The following KCNQ3 variants were observed in gnomAD, a reference collection of about 807,000 sequenced individuals.
The protein encoded by KCNQ3 is potassium voltage-gated channel subfamily Q member 3.
KCNQ3 carries 30 observed loss-of-function variants against 92.5 expected under a neutral mutation model. That is an observed-to-expected ratio of 0.32 (90% CI 0.24 to 0.44). The LOEUF (loss-of-function observed/expected upper bound fraction) is 0.44. Ranked by LOEUF, KCNQ3 falls within the 20% of genes least tolerant of loss-of-function variation. KCNQ3 has a pLI of 1.00. For synonymous variants in KCNQ3, 450 were observed against 468.8 expected, an observed-to-expected ratio of 0.96 and a Z score of 0.52; for missense variants, 913 against 1,140.3, an observed-to-expected ratio of 0.80 and a Z score of 2.87.
At chr8:132,285,518 C>A (rs73710510) in intron 1 of KCNQ3, among the ~76,000 whole-genome samples, 14,190 of 152,288 alleles carry the variant, frequency 0.093, 837 homozygotes, top group South Asian at 0.16. Context: ...TAGCAAAGTG[C>A]TCAGGCAGAT....
At chr8:132,353,265 T>C (rs1014124236) in intron 1 of KCNQ3, among the ~76,000 whole-genome samples, 7 of 151,812 alleles carry the variant, frequency 4.6e-5, no homozygotes, top group Non-Finnish European at 8.8e-5. Flanking sequence ...AGTAGGATTT[T>C]AACTGGCAGA....
At chr8:132,479,276 G>A (rs1760046152) in intron 1 of KCNQ3, among the ~76,000 whole-genome samples, 1 of 152,276 alleles carries the variant, frequency 6.6e-6, no homozygotes, top group South Asian at 2.1e-4. Flanking sequence ...GGACTAGCAA[G>A]GAGATTCTTT....
intron 1 of KCNQ3, among the ~76,000 whole-genome samples, chr8:132,392,662 A>G (rs1220186460): frequency 6.6e-6 from 1 of 151,904 alleles, no homozygotes; most frequent in Non-Finnish European, 1.5e-5. Context: ...TTAGCTGGGC[A>G]TGGTGGCACA....
In KCNQ3 at chr8:132,279,853, C is replaced by CGTGT. The variant is rs34093077; in HGVS notation, c.387-93676_387-93673dup. ...ATATGTGCGTGTATGTGTATATATG[C>CGTGT]GTGTGTGTGTGTGTGTGTATATATA... On this transcript the variant is annotated intron_variant, in intron 1 of 14. Coordinates refer to ENST00000388996, the MANE Select transcript of KCNQ3 (RefSeq NM_004519.4). Among the ~76,000 whole-genome samples the CGTGT allele has an allele frequency of 1.0e-3, 157 of 150,648 alleles. 1 individual carries two copies. Among genetic ancestry groups the CGTGT allele is most frequent in the South Asian group, 2.1e-3 (10 of 4,754 alleles).
intron 12 of KCNQ3, among the ~76,000 whole-genome samples, chr8:132,136,928 A>G (rs1825117965): frequency 2.2e-5 from 2 of 91,898 alleles, no homozygotes; most frequent in Admixed American, 2.1e-4. Flanking sequence ...CAGTGGTGCA[A>G]TCTTGGCTCA....
chr8:132,442,104 T>C (rs930968043), intron 1 of KCNQ3, among the ~76,000 whole-genome samples: 1 of 151,868 alleles, frequency 6.6e-6, no homozygotes, highest in Admixed American at 6.6e-5. Context: ...AGGGAGAGAA[T>C]CAGGAAAAAT....
intron 1 of KCNQ3, among the ~76,000 whole-genome samples, chr8:132,397,691 A>C (rs1820226567): frequency 6.6e-6 from 1 of 152,174 alleles, no homozygotes. Context: ...TCCACGGCTT[A>C]CAGACTATCT....
intron 1 of KCNQ3, among the ~76,000 whole-genome samples, chr8:132,462,317 G>A (rs773663231): frequency 5.3e-5 from 8 of 152,074 alleles, no homozygotes; most frequent in Non-Finnish European, 8.8e-5. Flanking sequence ...AGCCACTCGA[G>A]TAGCTGGGAT....
chr8:132,449,936 T>A (rs902343476), intron 1 of KCNQ3, among the ~76,000 whole-genome samples: 1 of 152,184 alleles, frequency 6.6e-6, no homozygotes, highest in South Asian at 2.1e-4. Flanking sequence ...CCCCCAACTC[T>A]AGCCCTCTTC....
chr8:132,292,059 T>C (rs1307050148), intron 1 of KCNQ3, among the ~76,000 whole-genome samples: 1 of 152,200 alleles, frequency 6.6e-6, no homozygotes, highest in Non-Finnish European at 1.5e-5. Context: ...AGAGTTGGAA[T>C]CTCTTTTTCA....
chr8:132,243,994 G>A lies in KCNQ3; in HGVS notation c.387-57813C>T, dbSNP rs193280983. Among the ~76,000 whole-genome samples the A allele has an allele frequency of 1.7e-3, 263 of 152,256 alleles. 1 individual carries two copies. The highest frequency in any genetic ancestry group is 6.2e-3 in the African/African-American group (258 of 41,554). On this transcript the variant is annotated intron_variant, in intron 1 of 14. Transcript: ENST00000388996. ...TGAGCCTTCAGATGCCAGGTGCTCA[G>A]GAAAGCTAGTGCTTAGCAGAGAAGG... is the stretch of plus-strand genomic sequence containing the variant.
intron 1 of KCNQ3, among the ~76,000 whole-genome samples, 155 bp downstream of exon 1, chr8:132,479,992 A>ACACACACACC (rs1191748667): frequency 4.1e-5 from 6 of 146,970 alleles, no homozygotes; most frequent in African/African-American, 1.0e-4. Flanking sequence ...ACACACACAC[A>ACACACACACC]CCCAGGGAAA....
rs1164770219 is a variant in KCNQ3 at position 132,201,175 on chromosome 8, C to T, written c.387-14994G>A. On this transcript the variant is annotated intron_variant, in intron 1 of 14. Coordinates refer to ENST00000388996, the MANE Select transcript of KCNQ3 (RefSeq NM_004519.4). ...CAGAGCCGCCCTGACCTCATCACCT[C>T]GTAAAGGTCCCACATTTCTCAACAC... is the stretch of plus-strand genomic sequence containing the variant. Among the ~76,000 whole-genome samples the T allele has an allele frequency of 4.6e-5, 7 of 152,156 alleles. No individual in the cohort carries two copies. The South Asian group carries it at 1.5e-3, about 32-fold the overall frequency.
rs550280432 is a variant in KCNQ3 at position 132,385,975 on chromosome 8, A to G, written c.386+94172T>C. Among the ~76,000 whole-genome samples the G allele has an allele frequency of 5.3e-5, 8 of 152,338 alleles. No homozygotes were observed. In the South Asian group the frequency reaches 6.2e-4, roughly 12 times the overall value. Reference sequence around the variant, plus strand: ...GTCTAACAATTTTGTATCTACTAGAAACACATTTAAAACAAAGTACCAAAG... The same window carrying G: ...GTCTAACAATTTTGTATCTACTAGAGACACATTTAAAACAAAGTACCAAAG... On this transcript the variant is annotated intron_variant, in intron 1 of 14. Transcript: ENST00000388996.
intron 1 of KCNQ3, among the ~76,000 whole-genome samples, chr8:132,420,573 C>T (rs563740973): frequency 6.6e-6 from 1 of 152,214 alleles, no homozygotes; most frequent in Admixed American, 6.5e-5. Flanking sequence ...TAGAGATGAA[C>T]CAGATCCCAG....
chr8:132,154,192 AGTTTTTTTT>A lies in KCNQ3; in HGVS notation c.1262+9267_1262+9275del, dbSNP rs1297947192. On this transcript the variant is annotated intron_variant, in intron 9 of 14. Transcript: ENST00000388996. ...CCTGATGTACCATCAAAAGGGTAAA[AGTTTTTTTT>A]TTTTTTTTTTTTTTTTTTTTTTAGC... Among the ~76,000 whole-genome samples, 82 of 104,470 alleles carry A rather than the reference AGTTTTTTTT, an allele frequency of 7.8e-4. 8 individuals carry two copies. The highest frequency in any genetic ancestry group is 2.7e-3 in the Admixed American group (26 of 9,510). The allele number at this position is 104,470 out of a possible 152,430, so 68.5% of individuals were successfully genotyped here. A position where few individuals can be genotyped will look rare whatever the true frequency, so the allele number is the denominator to read the frequency against.
At chr8:132,438,135 T>G (rs967019179) in intron 1 of KCNQ3, among the ~76,000 whole-genome samples, 3 of 152,252 alleles carry the variant, frequency 2.0e-5, no homozygotes, top group Non-Finnish European at 4.4e-5. Context: ...ATTCTTCTTA[T>G]GAGAAATACA....
chr8:132,315,521 C>T (rs1817716239), intron 1 of KCNQ3, among the ~76,000 whole-genome samples: 1 of 152,014 alleles, frequency 6.6e-6, no homozygotes, highest in East Asian at 1.9e-4. Flanking sequence ...GCTCATACTC[C>T]CAGGGTTTGA....
At chr8:132,250,068 C>T (rs916445921) in intron 1 of KCNQ3, among the ~76,000 whole-genome samples, 12 of 152,314 alleles carry the variant, frequency 7.9e-5, no homozygotes, top group South Asian at 4.1e-4. Context: ...CAGAGGGAGC[C>T]GGCTCCAGCC....
Sources: gnomAD v4.1 joint callset for allele counts (sites outside exome capture counted in the v4.1 genomes callset) on GRCh38, gnomAD v4.1.1 for gene constraint, MANE v1.5 for transcripts, NCBI Gene and HGNC (gene_info 2026-07-23, HGNC 2026-07-21) for gene names.